The following CSMD1 variants were observed in gnomAD, a reference collection of about 807,000 sequenced individuals.
The protein encoded by CSMD1 is CUB and sushi domain-containing protein 1.
CSMD1 carries 213 observed loss-of-function variants against 417.5 expected under a neutral mutation model. That is an observed-to-expected ratio of 0.51 (90% CI 0.46 to 0.57). CSMD1 has a LOEUF of 0.57. Ranked by LOEUF, CSMD1 falls within the 20% of genes least tolerant of loss-of-function variation. The pLI is 0.00. For missense variants in CSMD1, 6,923 were observed against 4,529.7 expected (o/e 1.53, Z -15.17); for synonymous variants, 2,862 against 1,736.8 (o/e 1.65, Z -16.11).
chr8:4,268,413 G>C (rs1804357996), intron 3 of CSMD1, among the ~76,000 whole-genome samples: 1 of 152,154 alleles, frequency 6.6e-6, no homozygotes, highest in South Asian at 2.1e-4. Flanking sequence ...TATTGTAGCA[G>C]TGACCAATTG....
At chr8:3,786,725 C>G (rs958877935) in intron 5 of CSMD1, among the ~76,000 whole-genome samples, 10 of 152,066 alleles carry the variant, frequency 6.6e-5, no homozygotes, top group African/African-American at 2.4e-4. Context: ...GGGTGGAAGC[C>G]CATGATCAAG....
chr8:3,068,275 T>G (rs1159543048), intron 49 of CSMD1, among the ~76,000 whole-genome samples: 1 of 152,182 alleles, frequency 6.6e-6, no homozygotes, highest in Non-Finnish European at 1.5e-5. Flanking sequence ...TGCAGTATGT[T>G]GAATCCCACA....
At chr8:3,471,072 G>A (rs1389072361) in intron 11 of CSMD1, among the ~76,000 whole-genome samples, 1 of 152,140 alleles carries the variant, frequency 6.6e-6, no homozygotes, top group Non-Finnish European at 1.5e-5. Context: ...AAATCATGTT[G>A]AGTATTTAAA....
intron 12 of CSMD1, among the ~76,000 whole-genome samples, chr8:3,443,765 T>A (rs1005364248): frequency 6.6e-6 from 1 of 152,302 alleles, no homozygotes; most frequent in African/African-American, 2.4e-5. Context: ...GACCTTGAAA[T>A]ACAGTAATTT....
At position 3,359,330 on chromosome 8, in the gene CSMD1, C is replaced by T; in HGVS notation, c.3126G>A (p.Leu1042=). The part of the protein sequence containing the change: ...GFNITFSEYD[L]EPCDDPGVPA... The stretch of plus-strand genomic sequence containing the variant: ...GGACTCCAGGATCATCACATGGCTC[C>T]AGGTCATATTCTGAGGCATGCAGAG... The change falls in exon 21 of 70, where the codon CTG becomes CTA. Residue 1042 remains leucine (L), a synonymous_variant. Transcript: ENST00000635120. 1 of 1,612,844 alleles carries T rather than the reference C, an allele frequency of 6.2e-7. No individual in the cohort carries two copies. Among genetic ancestry groups the T allele is most frequent in the Non-Finnish European group, 8.5e-7 (1 of 1,179,632 alleles).
At chr8:3,043,527 A>G (rs1172716520) in intron 50 of CSMD1, among the ~76,000 whole-genome samples, 1 of 152,086 alleles carries the variant, frequency 6.6e-6, no homozygotes, top group Non-Finnish European at 1.5e-5. Flanking sequence ...GCATTTAATC[A>G]TGTAAAGTCC....
intron 3 of CSMD1, among the ~76,000 whole-genome samples, chr8:4,370,446 T>C (rs1247496422): frequency 6.6e-6 from 1 of 152,162 alleles, no homozygotes; most frequent in Non-Finnish European, 1.5e-5. Flanking sequence ...TAATATCTCA[T>C]GGAGATTCTC....
intron 2 of CSMD1, among the ~76,000 whole-genome samples, chr8:4,420,365 A>G (rs1035330172): frequency 4.6e-5 from 7 of 151,822 alleles, no homozygotes; most frequent in Non-Finnish European, 8.8e-5. Context: ...ATCTACTGCC[A>G]ACTTTTTTTT....
intron 7 of CSMD1, among the ~76,000 whole-genome samples, chr8:3,618,015 G>C (rs947244590): frequency 6.6e-6 from 1 of 152,082 alleles, no homozygotes; most frequent in African/African-American, 2.4e-5. Flanking sequence ...TAGTTTGTTT[G>C]TTTTGAGACA....
chr8:4,366,875 G>C (rs772492516), intron 3 of CSMD1, among the ~76,000 whole-genome samples: 1 of 151,846 alleles, frequency 6.6e-6, no homozygotes, highest in African/African-American at 2.4e-5. Context: ...TCATGTCCTT[G>C]CCCATTTTTT....
chr8:3,763,015 T>C (rs1798094622), intron 5 of CSMD1, among the ~76,000 whole-genome samples: 1 of 152,168 alleles, frequency 6.6e-6, no homozygotes, highest in East Asian at 1.9e-4. Flanking sequence ...CACTTGGTGA[T>C]TTGTATAGTT....
At chr8:3,130,367 T>G (rs1285369967) in intron 41 of CSMD1, among the ~76,000 whole-genome samples, 4 of 152,144 alleles carry the variant, frequency 2.6e-5, no homozygotes, top group African/African-American at 4.8e-5. Flanking sequence ...GCAGGTGTGT[T>G]GGAGCTGAAA....
chr8:4,170,259 A>C lies in CSMD1; in HGVS notation c.416-138160T>G, dbSNP rs139705311. Among the ~76,000 whole-genome samples, 71 of 151,708 alleles carry C rather than the reference A, an allele frequency of 4.7e-4. 1 individual carries two copies. The highest frequency in any genetic ancestry group is 1.7e-3 in the African/African-American group (69 of 41,108). ...CCATCTCTCTTTCTCTTTTTGAATTACCCCCTTGCCTTGGGTAGAGTCTAT... is the reference window on the plus strand; with the variant it reads ...CCATCTCTCTTTCTCTTTTTGAATTCCCCCCTTGCCTTGGGTAGAGTCTAT... On this transcript the variant is annotated intron_variant, in intron 3 of 69. Transcript: ENST00000635120.
At chr8:3,804,900 T>C (rs1220100865) in intron 5 of CSMD1, among the ~76,000 whole-genome samples, 5 of 152,142 alleles carry the variant, frequency 3.3e-5, no homozygotes, top group South Asian at 4.1e-4. Context: ...TAGTGAAAAA[T>C]GACTACTTTA....
At chr8:4,440,177 T>C (rs552517639) in intron 2 of CSMD1, among the ~76,000 whole-genome samples, 2 of 152,310 alleles carry the variant, frequency 1.3e-5, no homozygotes, top group South Asian at 2.1e-4. Flanking sequence ...TCTAGATTAA[T>C]AATGTAGAAA....
chr8:3,240,983 G>C (rs548840205), intron 26 of CSMD1, among the ~76,000 whole-genome samples: 46 of 151,484 alleles, frequency 3.0e-4, no homozygotes, highest in African/African-American at 1.1e-3. Context: ...GGGTAAGGGT[G>C]ATTAGTTTTT....
At chr8:4,584,757 A>G (rs1272337549) in intron 2 of CSMD1, among the ~76,000 whole-genome samples, 1 of 152,116 alleles carries the variant, frequency 6.6e-6, no homozygotes, top group Non-Finnish European at 1.5e-5. Context: ...CCGGCCAGAC[A>G]AACTTCCTCT....
chr8:3,286,907 G>T (rs939768639), intron 25 of CSMD1, among the ~76,000 whole-genome samples: 1 of 152,152 alleles, frequency 6.6e-6, no homozygotes, highest in Admixed American at 6.5e-5. Context: ...CCATGCCTAT[G>T]TCCTGAATGG....
chr8:3,720,564 G>C (rs138530857), intron 6 of CSMD1, among the ~76,000 whole-genome samples: 7 of 150,800 alleles, frequency 4.6e-5, no homozygotes, highest in African/African-American at 7.3e-5. Context: ...TTAAACAGGG[G>C]TGACACTTCA....
Sources: gnomAD v4.1 joint callset for allele counts (sites outside exome capture counted in the v4.1 genomes callset) on GRCh38, gnomAD v4.1.1 for gene constraint, MANE v1.5 for transcripts, NCBI Gene and HGNC (gene_info 2026-07-23, HGNC 2026-07-21) for gene names.